GRIN2D: variants seen among roughly 807,000 people sequenced by gnomAD.
GRIN2D encodes glutamate receptor ionotropic, NMDA 2D.
In GRIN2D, 37 loss-of-function variants were observed where a neutral mutation model predicts 103.2. That is an observed-to-expected ratio of 0.36 (90% CI 0.28 to 0.47). GRIN2D has a LOEUF of 0.47. Among genes scored for constraint, GRIN2D ranks in the 20% least tolerant of loss-of-function variants. GRIN2D has a pLI of 1.00. For missense variants in GRIN2D, 1,557 were observed against 1,910.6 expected (o/e 0.81, Z 3.45); for synonymous variants, 845 against 885.6 (o/e 0.95, Z 0.81).
chr19:48,428,806 G>A (rs1971120370), intron 11 of GRIN2D, among the ~76,000 whole-genome samples: 1 of 152,160 alleles, frequency 6.6e-6, no homozygotes, highest in South Asian at 2.1e-4. Flanking sequence ...ACTTCAATAT[G>A]TGAATTTGGT....
chr19:48,407,486 T>G (rs1432632024), intron 4 of GRIN2D, among the ~76,000 whole-genome samples: 1 of 152,076 alleles, frequency 6.6e-6, no homozygotes, highest in African/African-American at 2.4e-5. Context: ...AGAGAGGAAA[T>G]GTATTAGCCT....
intron 11 of GRIN2D, among the ~76,000 whole-genome samples, chr19:48,431,589 T>TC (rs1341213341): frequency 6.6e-6 from 1 of 151,608 alleles, no homozygotes; most frequent in Non-Finnish European, 1.5e-5. Flanking sequence ...GTTTCCCTTT[T>TC]TTTTTTTTTT....
Position 48,404,948 on chromosome 19 carries a change from C to A in GRIN2D, c.680C>A (p.Ala227Glu), listed in dbSNP as rs1321805855. The A allele has an allele frequency of 6.2e-7, 1 of 1,612,410 alleles. No individual in the cohort carries two copies. Among genetic ancestry groups the A allele is most frequent in the Non-Finnish European group, 8.5e-7 (1 of 1,179,488 alleles). The change falls in exon 4 of 14, where the codon GCG becomes GAG. Residue 227 changes from alanine to glutamate, a missense_variant. By Grantham distance (107) the Ala-to-Glu change is moderately radical (BLOSUM62 -1). This residue lies in a region of GRIN2D where 490 missense variants were observed against 601.1 expected (regional missense o/e 0.82). Coordinates refer to ENST00000263269, the MANE Select transcript of GRIN2D (RefSeq NM_000836.4). ...GGAGCGCTGACGCTGGACCCTGGGG[C>A]GGGCGAGGCCGTGCTCAGTGCCCAG... Reference protein sequence around the residue: ...HRGALTLDPGAGEAVLSAQLR... With the variant: ...HRGALTLDPGEGEAVLSAQLR...
chr19:48,410,118 C>T lies in GRIN2D; in HGVS notation c.1086-3873C>T, dbSNP rs189350108. 3.4e-3 allele frequency among the ~76,000 whole-genome samples: 511 copies of T among 151,106 alleles called. 3 individuals are homozygous for T. The highest frequency in any genetic ancestry group is 0.011 in the African/African-American group (441 of 41,166). The stretch of plus-strand genomic sequence containing the variant: ...ATTCTGAGAGTAGTGGGGAGTTCAC[C>T]GGAAATAGTATTCCAGTCAGGGGAA... On this transcript the variant is annotated intron_variant, in intron 4 of 13. Transcript: ENST00000263269.
intron 4 of GRIN2D, among the ~76,000 whole-genome samples, chr19:48,412,026 C>G (rs942647141): frequency 9.3e-5 from 14 of 150,862 alleles, no homozygotes; most frequent in Non-Finnish European, 2.1e-4. Flanking sequence ...GACCCTATCT[C>G]TACTTAAAAA....
intron 11 of GRIN2D, among the ~76,000 whole-genome samples, chr19:48,429,062 C>T (rs1971123757): frequency 6.6e-6 from 1 of 152,202 alleles, no homozygotes; most frequent in Non-Finnish European, 1.5e-5. Context: ...AAGGACACCC[C>T]TGTGTTTCTC....
At chr19:48,412,479 AAGAGAG>A (rs1374176248) in intron 4 of GRIN2D, among the ~76,000 whole-genome samples, 2 of 136,796 alleles carry the variant, frequency 1.5e-5, no homozygotes, top group Admixed American at 7.4e-5. Context: ...GAAAGAAAGA[AAGAGAG>A]AGAAAGAAAG....
chr19:48,442,139 C>T lies in GRIN2D; in HGVS notation c.2441-11C>T, dbSNP rs1331961749. 1 of 1,612,646 alleles carries T rather than the reference C, an allele frequency of 6.2e-7. No homozygotes were observed. The highest frequency in any genetic ancestry group is 1.3e-5 in the African/African-American group (1 of 74,910). The stretch of plus-strand genomic sequence containing the variant: ...ACTCATAGCAGGTGACTTTTGACCG[C>T]CCCTCCCTAGATGAGATCGAGATGC... On this transcript the variant is annotated splice_polypyrimidine_tract_variant and intron_variant, in intron 12 of 13. Transcript: ENST00000263269. The surrounding 1 kb of genome is among the most constrained non-coding windows in gnomAD (Gnocchi z 7.2).
At chr19:48,437,203 C>T (rs1200544291) in intron 11 of GRIN2D, among the ~76,000 whole-genome samples, 4 of 152,152 alleles carry the variant, frequency 2.6e-5, no homozygotes, top group Non-Finnish European at 5.9e-5. Context: ...TCACTGCAAC[C>T]TCATCCTCCT....
In GRIN2D at chr19:48,414,873, G is replaced by T. The variant is rs779650040; in HGVS notation, c.1422G>T (p.Pro474=). 1 of 1,614,058 alleles carries T rather than the reference G, an allele frequency of 6.2e-7. No individual in the cohort carries two copies. Among genetic ancestry groups the T allele is most frequent in the Admixed American group, 1.7e-5 (1 of 60,004 alleles). ...TGGTCACTGCCCGCAGCCCTCCACCGGATGCCCCCCGCCCGGAAAAGCGCT... is the reference window on the plus strand; with the variant it reads ...TGGTCACTGCCCGCAGCCCTCCACCTGATGCCCCCCGCCCGGAAAAGCGCT... The part of the protein sequence containing the change: ...SQLNRTHSPP[P]DAPRPEKRCC... Residue 474 remains proline (P), a synonymous_variant, in exon 7 of 14, where the codon CCG becomes CCT. Coordinates refer to ENST00000263269, the MANE Select transcript of GRIN2D (RefSeq NM_000836.4). The surrounding 1 kb of genome is among the most constrained non-coding windows in gnomAD (Gnocchi z 4.6).
chr19:48,441,304 A>G (rs1971287889), intron 11 of GRIN2D, among the ~76,000 whole-genome samples: 1 of 147,248 alleles, frequency 6.8e-6, no homozygotes, highest in Admixed American at 6.8e-5. Flanking sequence ...CGGATCTTGC[A>G]GTGAGCCGAG....
At chr19:48,408,918 G>C (rs1970822654) in intron 4 of GRIN2D, among the ~76,000 whole-genome samples, 1 of 152,094 alleles carries the variant, frequency 6.6e-6, no homozygotes, top group Admixed American at 6.6e-5. Context: ...AGGTGCAAAG[G>C]CTCTGGGGCT....
rs764204680 is a variant in GRIN2D at position 48,416,743 on chromosome 19, C to CT, written c.1735+589dup. Among the ~76,000 whole-genome samples the CT allele has an allele frequency of 2.7e-5, 3 of 112,380 alleles. No individual in the cohort carries two copies. The Admixed American group carries it at 3.1e-4, about 11-fold the overall frequency. The allele number at this position is 112,380 out of a possible 152,430, so 73.7% of individuals were successfully genotyped here. On this transcript the variant is annotated intron_variant, in intron 8 of 13. Transcript: ENST00000263269. ...TAAGCTTCTACTTCTCTCTCTCTCT[C>CT]TCTTTTTTTTTTTTTCAGACAGAGT...
chr19:48,402,693 C>T (rs371911986), intron 3 of GRIN2D, among the ~76,000 whole-genome samples: 22 of 130,340 alleles, frequency 1.7e-4, no homozygotes, highest in African/African-American at 5.8e-4. Flanking sequence ...GTCCGCAGTC[C>T]GGCCTGGGCG....
At chr19:48,400,712 G>A (rs984253885) in intron 3 of GRIN2D, among the ~76,000 whole-genome samples, 2 of 152,180 alleles carry the variant, frequency 1.3e-5, no homozygotes, top group African/African-American at 4.8e-5. Flanking sequence ...TGCTGGGAAT[G>A]TGGTCCCCTC....
In GRIN2D at chr19:48,405,953, A is replaced by G. The variant is rs1161267303; in HGVS notation, c.1085+600A>G. 6.6e-6 allele frequency among the ~76,000 whole-genome samples: 1 copy of G among 152,150 alleles called. No homozygotes were observed. The highest frequency in any genetic ancestry group is 1.5e-5 in the Non-Finnish European group (1 of 68,030). On this transcript the variant is annotated intron_variant, in intron 4 of 13. Transcript: ENST00000263269. This position sits in a 1 kb window ranked among gnomAD's most constrained non-coding sequence, Gnocchi z 5.1. Reference sequence around the variant, plus strand: ...GCTCATGAGAAGGGGAAAAGAGAGGAAGTGGACAGCAAGCACTTTCCTTTT... The same window carrying G: ...GCTCATGAGAAGGGGAAAAGAGAGGGAGTGGACAGCAAGCACTTTCCTTTT...
At position 48,394,247 on chromosome 19, in the gene GRIN2D, GA is replaced by G. The variant is rs1970603678; in HGVS notation, c.-306+381del. ...GGGGGTGTTGAGGGGGAATCCCAGG[GA>G]AGTGAGATCGTGCGTGTGTGCGTGA... On this transcript the variant is annotated intron_variant, in intron 1 of 13. Coordinates refer to ENST00000263269, the MANE Select transcript of GRIN2D (RefSeq NM_000836.4). The surrounding 1 kb of genome is among the most constrained non-coding windows in gnomAD (Gnocchi z 5.1). 6.6e-6 allele frequency among the ~76,000 whole-genome samples: 1 copy of G among 151,940 alleles called. No homozygotes were observed. Among genetic ancestry groups the G allele is most frequent in the African/African-American group, 2.4e-5 (1 of 41,362 alleles).
intron 4 of GRIN2D, among the ~76,000 whole-genome samples, chr19:48,412,353 A>G (rs1970872769): frequency 1.3e-5 from 2 of 150,668 alleles, no homozygotes; most frequent in African/African-American, 2.4e-5. Flanking sequence ...AAATACATAC[A>G]TACATACATA....
chr19:48,437,252 CTGAGA>C (rs1338818517), intron 11 of GRIN2D, among the ~76,000 whole-genome samples: 1 of 152,114 alleles, frequency 6.6e-6, no homozygotes, highest in Non-Finnish European at 1.5e-5. Flanking sequence ...TCCCAAGTAG[CTGAGA>C]TGACAGGCAT....
Sources: allele counts gnomAD v4.1 joint callset (sites outside exome capture counted in the v4.1 genomes callset), GRCh38; gene constraint gnomAD v4.1.1; regional missense constraint gnomAD v4.1.1; non-coding constraint Gnocchi (gnomAD v3.1); transcripts MANE v1.5; gene names NCBI Gene and HGNC (gene_info 2026-07-23, HGNC 2026-07-21).